The following TRIM24 variants were observed in gnomAD, a reference collection of about 807,000 sequenced individuals.
TRIM24 encodes transcription intermediary factor 1-alpha.
Under a neutral mutation model 123.9 loss-of-function variants are expected in TRIM24, and 29 were observed. The observed-to-expected ratio is 0.23, with a 90% confidence interval of 0.17 to 0.32. The LOEUF (loss-of-function observed/expected upper bound fraction) is 0.32. Ranked by LOEUF, TRIM24 falls within the 10% of genes least tolerant of loss-of-function variation. TRIM24 has a pLI of 1.00. For synonymous variants in TRIM24, 456 were observed against 461.1 expected (o/e 0.99, Z 0.14); for missense variants, 932 against 1,295.3 (o/e 0.72, Z 4.31).
At chr7:138,524,264 C>T (rs886913393) in intron 4 of TRIM24, among the ~76,000 whole-genome samples, 4 of 152,054 alleles carry the variant, frequency 2.6e-5, no homozygotes, top group South Asian at 2.1e-4. Flanking sequence ...AAGCAGAAAA[C>T]GTACTTAATA....
At chr7:138,508,700 C>CGCGCGCGCGCGTGTGTGCGTGTGTGTGT (rs1182276337) in intron 2 of TRIM24, among the ~76,000 whole-genome samples, 1 of 35,510 alleles carries the variant, frequency 2.8e-5, no homozygotes, top group Non-Finnish European at 8.0e-5. Context: ...TGTGCGCGCG[C>CGCGCGCGCGCGTGTGTGCGTGTGTGTGT]GTGTGTGCGT....
At chr7:138,487,897 T>G (rs532136204) in intron 1 of TRIM24, among the ~76,000 whole-genome samples, 25 of 152,338 alleles carry the variant, frequency 1.6e-4, no homozygotes, top group South Asian at 1.0e-3. Flanking sequence ...TTCTGTTGAT[T>G]GGAATAGTTT....
intron 16 of TRIM24, 92 bp from the exon 17 acceptor site, chr7:138,581,605 C>T: frequency 9.4e-7 from 1 of 1,065,910 alleles, no homozygotes. Flanking sequence ...TTTAGTCTGA[C>T]ACTTTGGGAC....
Position 138,504,331 on chromosome 7 carries a change from G to C in TRIM24, c.406G>C (p.Glu136Gln). ...RCPVCSQECA[E>Q]RHIIDNFFVK... ...CCCAGTTTGCAGCCAAGAATGTGCA[G>C]AGAGACACATCATAGATAACTTTTT... The change falls in exon 2 of 19, where the codon GAG becomes CAG. Residue 136 changes from glutamate to glutamine, a missense_variant. Coordinates refer to ENST00000343526, the MANE Select transcript of TRIM24 (RefSeq NM_015905.3). The C allele has an allele frequency of 1.2e-6, 2 of 1,601,536 alleles. No homozygotes were observed. Among genetic ancestry groups the C allele is most frequent in the Non-Finnish European group, 1.7e-6 (2 of 1,175,088 alleles).
rs1038429404 is a variant in TRIM24 at position 138,589,494 on chromosome 7, A to G, written c.*4543A>G. On this transcript the variant is annotated 3_prime_UTR_variant, in exon 19 of 19. Coordinates refer to ENST00000343526, the MANE Select transcript of TRIM24 (RefSeq NM_015905.3). ...TGTTGTTCCCCTAGCTGTAACATTG[A>G]TCCATATAGGGGCAAGCTACTAGTC... 3.3e-5 allele frequency: 5 copies of G among 152,210 alleles called. No individual in the cohort carries two copies. Among genetic ancestry groups the G allele is most frequent in the Non-Finnish European group, 4.4e-5 (3 of 68,042 alleles). 9.4% of individuals were successfully genotyped at this position (152,210 alleles called of 1,614,324 possible). A position where few individuals can be genotyped will look rare whatever the true frequency, so the allele number is the denominator to read the frequency against.
intron 12 of TRIM24, among the ~76,000 whole-genome samples, chr7:138,574,698 G>A (rs1797721302): frequency 6.6e-6 from 1 of 152,148 alleles, no homozygotes; most frequent in African/African-American, 2.4e-5. Flanking sequence ...CTCATACATA[G>A]GTGGAAGGGG....
intron 1 of TRIM24, among the ~76,000 whole-genome samples, chr7:138,480,153 A>T (rs73164632): frequency 7.9e-5 from 12 of 152,132 alleles, no homozygotes; most frequent in Admixed American, 5.9e-4. Flanking sequence ...TTTTGTAGTG[A>T]CGAGGTCTCA....
In TRIM24 at chr7:138,511,639, G is replaced by A. The variant is rs140726825; in HGVS notation, c.484-3573G>A. Among the ~76,000 whole-genome samples the A allele has an allele frequency of 3.4e-4, 52 of 152,166 alleles. 1 individual carries two copies. The highest frequency in any genetic ancestry group is 1.3e-3 in the African/African-American group (52 of 41,528). On this transcript the variant is annotated intron_variant, in intron 2 of 18. Transcript: ENST00000343526. ...CATCTCCATGTGAACTCACTACCAT[G>A]AGAACAGCACCAAGGAGGATATCCA...
intron 2 of TRIM24, among the ~76,000 whole-genome samples, chr7:138,511,483 T>C (rs866225766): frequency 6.6e-6 from 1 of 152,018 alleles, no homozygotes; most frequent in South Asian, 2.1e-4. Context: ...AGAAACGGGA[T>C]TTCACCATGT....
chr7:138,537,449 G>A (rs1796914599), intron 6 of TRIM24, among the ~76,000 whole-genome samples: 1 of 134,244 alleles, frequency 7.4e-6, no homozygotes, highest in South Asian at 2.4e-4. Flanking sequence ...GCTGGTTGGA[G>A]TCCTTTTTTA....
rs57719141 is a variant in TRIM24 at position 138,463,043 on chromosome 7, GTTTTTTTT to G, written c.364+2150_364+2157del. Among the ~76,000 whole-genome samples the G allele has an allele frequency of 1.6e-3, 98 of 60,144 alleles. 1 individual carries two copies. Among genetic ancestry groups the G allele is most frequent in the South Asian group, 2.8e-3 (4 of 1,414 alleles). 39.5% of individuals were successfully genotyped at this position (60,144 alleles called of 152,430 possible). Reference sequence around the variant, plus strand: ...CGCCACCACGTCCGGCTAATTTTGTGTTTTTTTTTTTTTTTTTTTTTTTTTTGGTAGAG... The same window carrying G: ...CGCCACCACGTCCGGCTAATTTTGTGTTTTTTTTTTTTTTTTTTGGTAGAG... On this transcript the variant is annotated intron_variant, in intron 1 of 18. Transcript: ENST00000343526.
intron 17 of TRIM24, among the ~76,000 whole-genome samples, chr7:138,583,297 G>A (rs1797941063): frequency 6.6e-6 from 1 of 152,170 alleles, no homozygotes; most frequent in Non-Finnish European, 1.5e-5. Flanking sequence ...ATGATTAAGA[G>A]GAAATATGTG....
At chr7:138,468,551 G>A (rs902558534) in intron 1 of TRIM24, among the ~76,000 whole-genome samples, 1 of 151,918 alleles carries the variant, frequency 6.6e-6, no homozygotes, top group African/African-American at 2.4e-5. Flanking sequence ...ATAGCGTATA[G>A]TTGTCTTACT....
intron 1 of TRIM24, among the ~76,000 whole-genome samples, chr7:138,465,562 TAAGACTAAATCCCTTTTCC>T (rs1393965166): frequency 6.6e-6 from 1 of 152,182 alleles, no homozygotes; most frequent in African/African-American, 2.4e-5. Flanking sequence ...GGTTAAAATA[TAAGACTAAATCCCTTTTCC>T]AAGATTTCTT....
intron 17 of TRIM24, among the ~76,000 whole-genome samples, chr7:138,583,637 A>T (rs899741039): frequency 2.6e-5 from 4 of 152,186 alleles, no homozygotes; most frequent in African/African-American, 9.6e-5. Context: ...ATAATTGGTT[A>T]AACTTTTGGA....
At chr7:138,547,965 T>C (rs1201960054) in intron 7 of TRIM24, among the ~76,000 whole-genome samples, 1 of 152,136 alleles carries the variant, frequency 6.6e-6, no homozygotes, top group Non-Finnish European at 1.5e-5. Flanking sequence ...TTTAAAAGTA[T>C]AGCCAACGGG....
intron 17 of TRIM24, among the ~76,000 whole-genome samples, chr7:138,582,622 T>C (rs911538874): frequency 1.4e-5 from 2 of 147,346 alleles, no homozygotes; most frequent in Non-Finnish European, 3.0e-5. Context: ...CCCAAAAGAG[T>C]ATTCTTCTAA....
In TRIM24 at chr7:138,577,421, T is replaced by C. The variant is rs1293357904; in HGVS notation, c.2089T>C (p.Ser697Pro). 3 of 1,568,814 alleles carry C rather than the reference T, an allele frequency of 1.9e-6. No homozygotes were observed. Among genetic ancestry groups the C allele is most frequent in the East Asian group, 2.4e-5 (1 of 41,930 alleles). ...SASSVGSRGS[S>P]GSSSKPAGAD... ...TTTTCTTCTCTCTCATACTTACAGC[T>C]CTGGCTCTTCCAGCAAACCAGCAGG... Residue 697 changes from serine (S) to proline (P), a missense_variant and splice_region_variant, in exon 14 of 19, where the codon TCT becomes CCT. By Grantham distance (74) the Ser-to-Pro change is moderately conservative. This residue lies in a region of TRIM24 where 527 missense variants were observed against 691.3 expected (regional missense o/e 0.76). Transcript: ENST00000343526.
chr7:138,569,665 C>T (rs952117539), intron 10 of TRIM24, among the ~76,000 whole-genome samples: 4 of 152,156 alleles, frequency 2.6e-5, no homozygotes, highest in African/African-American at 9.7e-5. Flanking sequence ...AGAAGACATT[C>T]ATGTCCAACT....
Sources: gnomAD v4.1 joint callset for allele counts (sites outside exome capture counted in the v4.1 genomes callset) on GRCh38, gnomAD v4.1.1 for gene constraint, gnomAD v4.1.1 regional missense constraint, MANE v1.5 for transcripts, NCBI Gene and HGNC (gene_info 2026-07-23, HGNC 2026-07-21) for gene names.